Variants in URB1 observed in about 807,000 individuals in gnomAD.
The protein encoded by URB1 is nucleolar pre-ribosomal-associated protein 1.
Under a neutral mutation model 242.3 loss-of-function variants are expected in URB1, and 197 were observed. The observed-to-expected ratio is 0.81, with a 90% CI of 0.72 to 0.91. URB1 has a LOEUF of 0.91. Among genes scored for constraint, URB1 ranks in the 40% least tolerant of loss-of-function variants. The probability of loss-of-function intolerance (pLI) is 0.00; values close to 1 mark genes in which losing one functional copy is unlikely to be tolerated. For missense variants in URB1, 2,721 were observed against 2,860.5 expected, an observed-to-expected ratio of 0.95 and a Z score of 1.11; for synonymous variants, 1,153 against 1,201.8, an observed-to-expected ratio of 0.96 and a Z score of 0.84.
intron 5 of URB1, 104 bp from the exon 6 acceptor site, chr21:32,375,587 CTT>C (rs1447353766): frequency 1.6e-6 from 1 of 611,526 alleles, no homozygotes; most frequent in Non-Finnish European, 2.6e-6. Context: ...ATGCCATTTA[CTT>C]TTTCAAGTTT....
chr21:32,373,320 C>A (rs1407581219), intron 7 of URB1, among the ~76,000 whole-genome samples: 1 of 151,836 alleles, frequency 6.6e-6, no homozygotes, highest in African/African-American at 2.4e-5. Context: ...GATGGGAAGG[C>A]AGAGGTAAAG....
chr21:32,312,373 T>C lies in URB1; in HGVS notation c.*2545A>G. The C allele has an allele frequency of 1.8e-6, 2 of 1,137,334 alleles. No individual in the cohort carries two copies. Among genetic ancestry groups the C allele is most frequent in the Non-Finnish European group, 2.2e-6 (2 of 904,410 alleles). 70.5% of individuals were successfully genotyped at this position (1,137,334 alleles called of 1,614,324 possible). A position where few individuals can be genotyped will look rare whatever the true frequency, so the allele number is the denominator to read the frequency against. Reference sequence around the variant, plus strand: ...CAGCCCTGAGTTCACCTGGTCCTTCTGTACCTTTGTTAGGATGCTGGGTAA... The same window carrying C: ...CAGCCCTGAGTTCACCTGGTCCTTCCGTACCTTTGTTAGGATGCTGGGTAA... On this transcript the variant is annotated 3_prime_UTR_variant, in exon 39 of 39. Coordinates refer to ENST00000382751, the MANE Select transcript of URB1 (RefSeq NM_014825.3).
chr21:32,365,137 A>T (rs1425589382), intron 10 of URB1, among the ~76,000 whole-genome samples: 1 of 152,212 alleles, frequency 6.6e-6, no homozygotes, highest in African/African-American at 2.4e-5. Context: ...GGGAGAGCAA[A>T]TGCAGCCCAC....
rs1300955683 is a variant in URB1 at position 32,322,448 on chromosome 21, C to T, written c.5340+30G>A. The stretch of plus-strand genomic sequence containing the variant: ...GCTGCATCATCAATTCAGGGGCCTG[C>T]AGAAAGCCGTGAGGACTCTGGAAGC... On this transcript the variant is annotated intron_variant, in intron 33 of 38. Coordinates refer to ENST00000382751, the MANE Select transcript of URB1 (RefSeq NM_014825.3). The T allele has an allele frequency of 5.9e-6, 9 of 1,530,168 alleles. No homozygotes were observed. In the Admixed American group the frequency reaches 1.4e-4, roughly 23 times the overall value. 94.8% of individuals were successfully genotyped at this position (1,530,168 alleles called of 1,614,324 possible).
rs1332483764 is a variant in URB1, at chr21:32,361,335, T to A, written c.1640-212A>T. Reference sequence around the variant, plus strand: ...CAGACTGCTCAGTACCTAGATCTAATGAGTCAATGTGGTAAAACGTTAAAA... The same window carrying A: ...CAGACTGCTCAGTACCTAGATCTAAAGAGTCAATGTGGTAAAACGTTAAAA... On this transcript the variant is annotated intron_variant, in intron 12 of 38. Coordinates refer to ENST00000382751, the MANE Select transcript of URB1 (RefSeq NM_014825.3). Among the ~76,000 whole-genome samples the A allele has an allele frequency of 3.4e-5, 4 of 116,086 alleles. No individual in the cohort carries two copies. In the Admixed American group the frequency reaches 3.6e-4, roughly 10 times the overall value. 76.2% of individuals were successfully genotyped at this position (116,086 alleles called of 152,430 possible).
intron 32 of URB1, among the ~76,000 whole-genome samples, chr21:32,323,426 T>C (rs2032791204): frequency 1.3e-5 from 2 of 152,072 alleles, no homozygotes; most frequent in Admixed American, 6.6e-5. Flanking sequence ...TTTCTCTCAA[T>C]AACCAAAAAA....
intron 26 of URB1, among the ~76,000 whole-genome samples, chr21:32,337,823 C>T (rs748581556): frequency 7.2e-5 from 11 of 152,004 alleles, no homozygotes; most frequent in African/African-American, 2.2e-4. Flanking sequence ...GCGCCCAGCC[C>T]CCCACGTGTT....
rs2033104029 is a variant in URB1, at chr21:32,347,421, GGT to G, written c.3401_3402del (p.His1134ProfsTer39). The G allele has an allele frequency of 6.4e-7, 1 of 1,551,448 alleles. No individual in the cohort carries two copies. Among genetic ancestry groups the G allele is most frequent in the African/African-American group, 1.4e-5 (1 of 73,066 alleles). The part of the protein sequence containing the change: ...TLALLSLPET[H>X]LVTQQPTKSP... ...GATTTCGTGGGTTGCTGGGTCACCA[GGT>G]GTGTCTCAGGCAGGCTCAGCAAGGC... is the stretch of plus-strand genomic sequence containing the variant. On this transcript the variant is annotated frameshift_variant, in exon 22 of 39. Transcript: ENST00000382751. LOFTEE classifies it high-confidence loss of function.
In URB1 at chr21:32,317,691, C is replaced by T; in HGVS notation, c.6019G>A (p.Ala2007Thr). Residue 2007 changes from alanine (A) to threonine (T), a missense_variant, in exon 37 of 39, where the codon GCC becomes ACC. Transcript: ENST00000382751. ...TGACACTCACTCATGAGCTCCCGGG[C>T]TTGGGCCTTCTCAATGGCTGCTCTC... ...DLRAAIEKAQ[A>T]RELMKMLKDK... 6 of 1,551,724 alleles carry T rather than the reference C, an allele frequency of 3.9e-6. No individual in the cohort carries two copies. Among genetic ancestry groups the T allele is most frequent in the South Asian group, 1.2e-5 (1 of 84,056 alleles).
Position 32,337,466 on chromosome 21 carries a change from A to G in URB1, c.4559T>C (p.Val1520Ala). The stretch of plus-strand genomic sequence containing the variant: ...CACTGCAAAGTGGCTGCTCTCACAG[A>G]CAGAGGGGCACATCTCCACCACCGT... Reference protein sequence around the residue: ...MLTVVEMCPSVCESSHFAVLL... With the variant: ...MLTVVEMCPSACESSHFAVLL... Residue 1520 changes from valine to alanine, a missense_variant, in exon 27 of 39, where the codon GTC becomes GCC. Physicochemically the swap from Val to Ala is moderately conservative, Grantham distance 64. Coordinates refer to ENST00000382751, the MANE Select transcript of URB1 (RefSeq NM_014825.3). 1 of 1,550,964 alleles carries G rather than the reference A, an allele frequency of 6.4e-7. No individual in the cohort carries two copies. Among genetic ancestry groups the G allele is most frequent in the Admixed American group, 2.0e-5 (1 of 50,966 alleles).
chr21:32,314,031 T>C lies in URB1; in HGVS notation c.*887A>G, dbSNP rs1051183875. Reference sequence around the variant, plus strand: ...AAGTATAGCTTTAAAAATTACAGGCTGTCTTCTCAAAGCAGAGGTCAAATC... The same window carrying C: ...AAGTATAGCTTTAAAAATTACAGGCCGTCTTCTCAAAGCAGAGGTCAAATC... On this transcript the variant is annotated 3_prime_UTR_variant, in exon 39 of 39. Coordinates refer to ENST00000382751, the MANE Select transcript of URB1 (RefSeq NM_014825.3). 6.5e-6 allele frequency: 1 copy of C among 153,968 alleles called. No individual in the cohort carries two copies. The highest frequency in any genetic ancestry group is 2.4e-5 in the African/African-American group (1 of 41,460). The allele number at this position is 153,968 out of a possible 1,614,324, so 9.5% of individuals were successfully genotyped here. A position where few individuals can be genotyped will look rare whatever the true frequency, so the allele number is the denominator to read the frequency against.
At chr21:32,384,167 G>A (rs1255297626) in intron 3 of URB1, 146 bp downstream of exon 3, 2 of 1,012,534 alleles carry the variant, frequency 2.0e-6, no homozygotes, top group African/African-American at 1.6e-5. Context: ...CACAAAGGAA[G>A]GGGGCAGAGA....
Position 32,372,488 on chromosome 21 carries a change from CA to C in URB1, c.1001+18del. 1 of 1,549,346 alleles carries C rather than the reference CA, an allele frequency of 6.5e-7. No individual in the cohort carries two copies. The highest frequency in any genetic ancestry group is 8.7e-7 in the Non-Finnish European group (1 of 1,146,568). On this transcript the variant is annotated intron_variant, in intron 8 of 38. Transcript: ENST00000382751. ...AGGAACATACACACCCTGGGGTCCA[CA>C]AGAGTGTTATACTTTACCTGCCAAA...
chr21:32,373,792 A>T lies in URB1; in HGVS notation c.751-20T>A. On this transcript the variant is annotated intron_variant, in intron 6 of 38. Coordinates refer to ENST00000382751, the MANE Select transcript of URB1 (RefSeq NM_014825.3). The stretch of plus-strand genomic sequence containing the variant: ...AACTACCTGAAACAATAATAAAACA[A>T]ATTATTAAAAAACAAATTATGAAAA... 1 of 1,491,682 alleles carries T rather than the reference A, an allele frequency of 6.7e-7. No homozygotes were observed. Among genetic ancestry groups the T allele is most frequent in the Non-Finnish European group, 8.9e-7 (1 of 1,121,758 alleles). 92.4% of individuals were successfully genotyped at this position (1,491,682 alleles called of 1,614,324 possible).
chr21:32,361,147 A>G (rs766422274), intron 12 of URB1, 24 bp from the exon 13 acceptor site: 13 of 1,104,922 alleles, frequency 1.2e-5, no homozygotes, highest in African/African-American at 1.8e-5. Context: ...AGAAAAAGAA[A>G]GAAAAAGAGA....
intron 1 of URB1, among the ~76,000 whole-genome samples, chr21:32,386,183 A>G (rs2033582350): frequency 2.0e-5 from 3 of 152,002 alleles, no homozygotes; most frequent in Non-Finnish European, 4.4e-5. Flanking sequence ...AAGAAACCCT[A>G]AGCCCTAAAA....
chr21:32,316,744 G>A lies in URB1; in HGVS notation c.6356C>T (p.Ala2119Val). Residue 2119 changes from alanine (A) to valine (V), a missense_variant, in exon 38 of 39, where the codon GCA becomes GTA. Coordinates refer to ENST00000382751, the MANE Select transcript of URB1 (RefSeq NM_014825.3). The part of the protein sequence containing the change: ...AEHPLSRAEA[A>V]GLIGWLKSHI... ...GCTCTTAAGCCAGCCAATGAGTCCT[G>A]CAGCCTCTGCCCTGCTGAGCGGGTG... 6.4e-7 allele frequency: 1 copy of A among 1,551,250 alleles called. No individual in the cohort carries two copies. The highest frequency in any genetic ancestry group is 1.2e-5 in the South Asian group (1 of 84,052).
chr21:32,372,448 A>G (rs962648220), intron 8 of URB1, 59 bp downstream of exon 8: 20 of 1,524,354 alleles, frequency 1.3e-5, no homozygotes, highest in Admixed American at 2.1e-5. Context: ...ACACTCACAT[A>G]TGTGGTGACT....
In URB1 at chr21:32,392,852, C is replaced by A. The variant is rs1192264131; in HGVS notation, c.59G>T (p.Gly20Val). Residue 20 changes from glycine (G) to valine (V), a missense_variant, in exon 1 of 39, where the codon GGT becomes GTT. Coordinates refer to ENST00000382751, the MANE Select transcript of URB1 (RefSeq NM_014825.3). The part of the protein sequence containing the change: ...GGQDGAASSA[G>V]AAKRARKEEL... ...TTCTTTGCGGGCGCGCTTGGCTGCA[C>A]CCGCGGAGGAAGCCGCGCCGTCCTG... 6.5e-7 allele frequency: 1 copy of A among 1,533,366 alleles called. No individual in the cohort carries two copies. Among genetic ancestry groups the A allele is most frequent in the Non-Finnish European group, 8.7e-7 (1 of 1,145,240 alleles). 95.0% of individuals were successfully genotyped at this position (1,533,366 alleles called of 1,614,324 possible). A position where few individuals can be genotyped will look rare whatever the true frequency, so the allele number is the denominator to read the frequency against.
Sources: allele counts gnomAD v4.1 joint callset (sites outside exome capture counted in the v4.1 genomes callset), GRCh38; gene constraint gnomAD v4.1.1; transcripts MANE v1.5; gene names NCBI Gene and HGNC (gene_info 2026-07-23, HGNC 2026-07-21).